DIAPH2: variants seen among roughly 807,000 people sequenced by gnomAD.
The protein encoded by DIAPH2 is diaphanous related formin 2.
DIAPH2 carries 35 observed loss-of-function variants against 92.7 expected under a neutral mutation model. The observed-to-expected ratio is 0.38, with a 90% CI of 0.29 to 0.50. DIAPH2 has a LOEUF of 0.50. DIAPH2 is among the 20% of genes least tolerant of loss of function. DIAPH2 has a pLI of 0.94. For missense variants in DIAPH2, 701 were observed against 819.5 expected (o/e 0.86, Z 1.77); for synonymous variants, 301 against 280.4 (o/e 1.07, Z -0.73).
intron 21 of DIAPH2, among the ~76,000 whole-genome samples, chrX:97,127,153 G>T (rs1602359368): frequency 9.5e-6 from 1 of 105,456 alleles, no homozygotes; most frequent in East Asian, 2.8e-4. Context: ...TCACTAATTA[G>T]TCACAAAAGT....
chrX:96,696,750 AG>A (rs2063827550), intron 1 of DIAPH2, among the ~76,000 whole-genome samples: 1 of 112,120 alleles, frequency 8.9e-6, no homozygotes, highest in Non-Finnish European at 1.9e-5. Context: ...GATTCTCAAT[AG>A]TACACAATAT....
In DIAPH2 at chrX:97,593,670, CAAAA is replaced by C. The variant is rs2071531809; in HGVS notation, c.3242-5582_3242-5579del. ...CATATATTCCTAAAAACCTACAACACAAAATAAATAACAATCAACAAGCAATCAA... is the reference window on the plus strand; with the variant it reads ...CATATATTCCTAAAAACCTACAACACTAAATAACAATCAACAAGCAATCAA... On this transcript the variant is annotated intron_variant, in intron 26 of 26. Coordinates refer to ENST00000324765, the MANE Select transcript of DIAPH2 (RefSeq NM_006729.5). Among the ~76,000 whole-genome samples, 4 of 111,092 alleles carry C rather than the reference CAAAA, an allele frequency of 3.6e-5. No individual in the cohort carries two copies. The South Asian group carries it at 1.5e-3, about 42-fold the overall frequency.
intron 17 of DIAPH2, among the ~76,000 whole-genome samples, chrX:97,015,405 A>G (rs1052813610): frequency 8.9e-6 from 1 of 111,856 alleles, no homozygotes; most frequent in Non-Finnish European, 1.9e-5. Flanking sequence ...GATGCACAAT[A>G]AAAAGTGACT....
chrX:97,463,760 A>G (rs2070482157), intron 26 of DIAPH2, among the ~76,000 whole-genome samples: 1 of 110,901 alleles, frequency 9.0e-6, no homozygotes, highest in Admixed American at 9.7e-5. Context: ...TCCCTTTTAT[A>G]GTGGGGGAAA....
intron 25 of DIAPH2, among the ~76,000 whole-genome samples, chrX:97,385,187 A>G (rs2069587824): frequency 9.0e-6 from 1 of 111,608 alleles, no homozygotes; most frequent in Admixed American, 9.6e-5. Context: ...CAAGCACTCT[A>G]TAATATTGAC....
rs992916622 is a variant in DIAPH2, at chrX:96,716,278, A to G, written c.133-19480A>G. On this transcript the variant is annotated intron_variant, in intron 1 of 26. Transcript: ENST00000324765. ...ATGAGAAAGCTATTCTTATGGTCAC[A>G]TTAGTTTTGAGTCTAGGATATACTT... is the stretch of plus-strand genomic sequence containing the variant. Among the ~76,000 whole-genome samples the G allele has an allele frequency of 4.5e-5, 5 of 111,797 alleles. No individual in the cohort carries two copies. In the Admixed American group the frequency reaches 4.7e-4, roughly 11 times the overall value.
At chrX:96,972,370 G>A (rs1299266342) in intron 17 of DIAPH2, among the ~76,000 whole-genome samples, 1 of 111,990 alleles carries the variant, frequency 8.9e-6, no homozygotes, top group East Asian at 2.8e-4. Flanking sequence ...ATATGTGAAA[G>A]TAGCATAAAA....
At chrX:97,342,952 G>T (rs1329369182) in intron 23 of DIAPH2, among the ~76,000 whole-genome samples, 1 of 111,290 alleles carries the variant, frequency 9.0e-6, no homozygotes, top group Non-Finnish European at 1.9e-5. Flanking sequence ...TGTGACCTTG[G>T]TATGTTGAAG....
intron 4 of DIAPH2, among the ~76,000 whole-genome samples, chrX:96,817,481 C>T (rs1170086510): frequency 9.0e-6 from 1 of 111,684 alleles, no homozygotes; most frequent in African/African-American, 3.3e-5. Flanking sequence ...TATTTAAATG[C>T]AAACAATGTC....
chrX:96,725,677 C>G lies in DIAPH2; in HGVS notation c.133-10081C>G, dbSNP rs1233351986. Among the ~76,000 whole-genome samples the G allele has an allele frequency of 1.4e-4, 16 of 111,542 alleles. No individual in the cohort carries two copies. The Admixed American group carries it at 1.5e-3, about 11-fold the overall frequency. The stretch of plus-strand genomic sequence containing the variant: ...ATACAAGTGAATTTTGAGACATGGC[C>G]CATTCCTGAATTGGGGATTGTTTGC... On this transcript the variant is annotated intron_variant, in intron 1 of 26. Coordinates refer to ENST00000324765, the MANE Select transcript of DIAPH2 (RefSeq NM_006729.5).
At chrX:97,551,753 G>A (rs2071221796) in intron 26 of DIAPH2, among the ~76,000 whole-genome samples, 2 of 110,876 alleles carry the variant, frequency 1.8e-5, no homozygotes, top group South Asian at 7.6e-4. Flanking sequence ...ATCTCACTCT[G>A]ATTATTCCCG....
At chrX:96,818,030 G>T (rs1366652533) in intron 4 of DIAPH2, among the ~76,000 whole-genome samples, 1 of 51,365 alleles carries the variant, frequency 1.9e-5, no homozygotes, top group Non-Finnish European at 3.5e-5. Flanking sequence ...CGCCCAGGCT[G>T]GAGTGCAGTG....
At chrX:97,214,170 A>G (rs766529805) in intron 22 of DIAPH2, among the ~76,000 whole-genome samples, 63 of 112,764 alleles carry the variant, frequency 5.6e-4, no homozygotes, top group Non-Finnish European at 9.9e-4. Context: ...TTCTGTTCTG[A>G]CATTCCATAG....
chrX:97,527,049 CAA>C (rs2071029142), intron 26 of DIAPH2, among the ~76,000 whole-genome samples: 1 of 111,606 alleles, frequency 9.0e-6, no homozygotes. Context: ...TGCTGGTAGG[CAA>C]CGACATATAA....
Position 97,032,184 on chromosome X carries a change from A to C in DIAPH2, c.2051-40757A>C, listed in dbSNP as rs142850260. Among the ~76,000 whole-genome samples, 684 of 111,310 alleles carry C rather than the reference A, an allele frequency of 6.1e-3. 5 individuals are homozygous for C. The highest frequency in any genetic ancestry group is 0.022 in the African/African-American group (660 of 30,644). On this transcript the variant is annotated intron_variant, in intron 17 of 26. Coordinates refer to ENST00000324765, the MANE Select transcript of DIAPH2 (RefSeq NM_006729.5). The stretch of plus-strand genomic sequence containing the variant: ...TTAAATAATTATAAAGATCACTCTG[A>C]TTATGGTCTGAGAGATGTTTGGGAC...
At chrX:97,543,288 C>A (rs1358193343) in intron 26 of DIAPH2, among the ~76,000 whole-genome samples, 1 of 111,718 alleles carries the variant, frequency 9.0e-6, no homozygotes, top group African/African-American at 3.3e-5. Context: ...TCTCTTGAGT[C>A]CTAGGTCAGA....
chrX:96,971,948 T>C (rs2065930461), intron 17 of DIAPH2, among the ~76,000 whole-genome samples: 1 of 111,998 alleles, frequency 8.9e-6, no homozygotes, highest in Admixed American at 9.5e-5. Flanking sequence ...AAGTTCCTTG[T>C]CATTCGCAGT....
intron 17 of DIAPH2, among the ~76,000 whole-genome samples, chrX:97,000,146 A>G (rs2066133612): frequency 8.9e-6 from 1 of 112,379 alleles, no homozygotes; most frequent in South Asian, 3.7e-4. Flanking sequence ...ATGTATTTAT[A>G]CACCTAAAAT....
At chrX:97,088,674 A>G (rs1352381436) in intron 19 of DIAPH2, among the ~76,000 whole-genome samples, 2 of 112,077 alleles carry the variant, frequency 1.8e-5, no homozygotes, top group African/African-American at 3.2e-5. Context: ...GGGCTGCTTT[A>G]TCTCTCAAAG....
Sources: gnomAD v4.1 joint callset for allele counts (sites outside exome capture counted in the v4.1 genomes callset) on GRCh38, gnomAD v4.1.1 for gene constraint, MANE v1.5 for transcripts, NCBI Gene and HGNC (gene_info 2026-07-23, HGNC 2026-07-21) for gene names.